The following KCNMB2 variants were observed in gnomAD, a reference collection of about 807,000 sequenced individuals.
The protein encoded by KCNMB2 is potassium calcium-activated channel subfamily M regulatory beta subunit 2, also known as calcium-activated potassium channel subunit beta-2.
Under a neutral mutation model 24.5 loss-of-function variants are expected in KCNMB2, and 9 were observed. The ratio of observed to expected loss-of-function variants is 0.37; its 90% CI spans 0.22 to 0.64. KCNMB2 has a LOEUF of 0.64. KCNMB2 is among the 30% of genes least tolerant of loss of function. The probability of loss-of-function intolerance (pLI) is 0.63; values close to 1 mark genes in which losing one functional copy is unlikely to be tolerated. For synonymous variants in KCNMB2, 109 were observed against 104.4 expected, an observed-to-expected ratio of 1.04 and a Z score of -0.27; for missense variants, 226 against 284.3, an observed-to-expected ratio of 0.79 and a Z score of 1.47.
At chr3:178,722,130 TC>T (rs1211066037) in intron 1 of KCNMB2, among the ~76,000 whole-genome samples, 1 of 152,170 alleles carries the variant, frequency 6.6e-6, no homozygotes, top group Non-Finnish European at 1.5e-5. Flanking sequence ...CACAAAGATT[TC>T]CCCATTTTTT....
At chr3:178,710,284 GC>G (rs978270049) in intron 1 of KCNMB2, among the ~76,000 whole-genome samples, 1 of 152,086 alleles carries the variant, frequency 6.6e-6, no homozygotes, top group African/African-American at 2.4e-5. Flanking sequence ...CCTTTTCAGG[GC>G]CCAGAGGTAT....
intron 1 of KCNMB2, among the ~76,000 whole-genome samples, chr3:178,571,579 A>C (rs1332829195): frequency 6.6e-6 from 1 of 151,150 alleles, no homozygotes; most frequent in Non-Finnish European, 1.5e-5. Context: ...GGTTTGCTAC[A>C]TAGGTATACA....
At chr3:178,794,275 G>T (rs149586427) in intron 1 of KCNMB2, among the ~76,000 whole-genome samples, 1 of 152,194 alleles carries the variant, frequency 6.6e-6, no homozygotes, top group East Asian at 1.9e-4. Flanking sequence ...ATGGTGCTGG[G>T]CATGAGGAAG....
At chr3:178,622,755 T>A (rs1400227934) in intron 1 of KCNMB2, among the ~76,000 whole-genome samples, 1 of 152,196 alleles carries the variant, frequency 6.6e-6, no homozygotes, top group Non-Finnish European at 1.5e-5. Flanking sequence ...CAGGCGCCCC[T>A]GCTGACTTCA....
intron 1 of KCNMB2, among the ~76,000 whole-genome samples, chr3:178,560,368 C>G (rs1397826976): frequency 6.6e-6 from 1 of 152,110 alleles, no homozygotes; most frequent in East Asian, 1.9e-4. Flanking sequence ...AACTGACAAT[C>G]AAAGGGAGGG....
chr3:178,609,212 T>G (rs1308857560), intron 1 of KCNMB2, among the ~76,000 whole-genome samples: 2 of 152,262 alleles, frequency 1.3e-5, no homozygotes, highest in African/African-American at 4.8e-5. Flanking sequence ...TATGTCATTA[T>G]AGTTTTGCAT....
At chr3:178,620,600 T>C (rs373017694) in intron 1 of KCNMB2, among the ~76,000 whole-genome samples, 2 of 152,178 alleles carry the variant, frequency 1.3e-5, no homozygotes, top group Non-Finnish European at 2.9e-5. Context: ...GTCTCCTTAA[T>C]AAGAACACTA....
At chr3:178,835,968 C>T (rs6443581) in intron 4 of KCNMB2, among the ~76,000 whole-genome samples, 97,995 of 152,038 alleles carry the variant, frequency 0.64, 33,505 homozygotes, top group African/African-American at 0.87. Flanking sequence ...AAATATCGCA[C>T]GGATTTTATC....
At chr3:178,757,396 A>G (rs1442836674) in intron 1 of KCNMB2, among the ~76,000 whole-genome samples, 99 of 66,826 alleles carry the variant, frequency 1.5e-3, no homozygotes, top group South Asian at 2.0e-3. Flanking sequence ...ATATATATGT[A>G]TATATATCCA....
chr3:178,708,410 C>A (rs550849639), intron 1 of KCNMB2, among the ~76,000 whole-genome samples: 1 of 152,262 alleles, frequency 6.6e-6, no homozygotes, highest in African/African-American at 2.4e-5. Context: ...TCATTTAATT[C>A]TCTCAACAAA....
intron 1 of KCNMB2, among the ~76,000 whole-genome samples, chr3:178,724,350 GGTT>G (rs1722901526): frequency 6.6e-6 from 1 of 151,890 alleles, no homozygotes; most frequent in South Asian, 2.1e-4. Context: ...TTTTTAATAG[GGTT>G]GTTTTCTTCC....
At chr3:178,624,009 T>C (rs569491389) in intron 1 of KCNMB2, among the ~76,000 whole-genome samples, 1 of 152,326 alleles carries the variant, frequency 6.6e-6, no homozygotes, top group Admixed American at 6.5e-5. Context: ...CAGACACAGC[T>C]GCCCCTTTCA....
intron 2 of KCNMB2, among the ~76,000 whole-genome samples, chr3:178,810,199 C>T (rs1453661787): frequency 6.6e-6 from 1 of 152,040 alleles, no homozygotes; most frequent in Non-Finnish European, 1.5e-5. Flanking sequence ...AATTAAGGTC[C>T]TCCAGTTAAT....
At chr3:178,630,677 G>T (rs544720386) in intron 1 of KCNMB2, among the ~76,000 whole-genome samples, 1 of 152,310 alleles carries the variant, frequency 6.6e-6, no homozygotes, top group South Asian at 2.1e-4. Flanking sequence ...CAGATACCAT[G>T]CCATTCCCTC....
chr3:178,747,906 G>A (rs35904562), intron 1 of KCNMB2, among the ~76,000 whole-genome samples: 17,537 of 152,222 alleles, frequency 0.12, 1,108 homozygotes, highest in Non-Finnish European at 0.14. Flanking sequence ...CTGTAGGCAG[G>A]AAAGTTACTT....
chr3:178,794,537 G>A (rs953879421), intron 1 of KCNMB2, among the ~76,000 whole-genome samples: 1 of 152,210 alleles, frequency 6.6e-6, no homozygotes, highest in Non-Finnish European at 1.5e-5. Context: ...TGTTAGACCT[G>A]CAAGGCAGAT....
intron 1 of KCNMB2, among the ~76,000 whole-genome samples, chr3:178,649,586 G>A (rs950811896): frequency 2.0e-5 from 3 of 151,844 alleles, no homozygotes; most frequent in Admixed American, 2.0e-4. Context: ...ACTGTTCCTG[G>A]TTTAGTCTTG....
intron 1 of KCNMB2, among the ~76,000 whole-genome samples, chr3:178,666,030 T>TA (rs1476865957): frequency 1.3e-5 from 2 of 152,182 alleles, no homozygotes; most frequent in Non-Finnish European, 2.9e-5. Flanking sequence ...TGGAGGCCTC[T>TA]ACACTTTAGC....
intron 1 of KCNMB2, among the ~76,000 whole-genome samples, chr3:178,653,614 C>A (rs1423806492): frequency 6.6e-5 from 10 of 151,976 alleles, no homozygotes; most frequent in African/African-American, 2.4e-4. Context: ...AACCATAAAT[C>A]TTCATCAAGT....
Sources: allele counts gnomAD v4.1 joint callset (sites outside exome capture counted in the v4.1 genomes callset), GRCh38; gene constraint gnomAD v4.1.1; transcripts MANE v1.5; gene names NCBI Gene and HGNC (gene_info 2026-07-23, HGNC 2026-07-21).